The following POFUT1 variants were observed in gnomAD, a reference collection of about 807,000 sequenced individuals.
POFUT1 encodes the protein protein O-fucosyltransferase 1.
In POFUT1, 16 loss-of-function variants were observed where a neutral mutation model predicts 42.4. The ratio of observed to expected loss-of-function variants is 0.38; its 90% CI spans 0.26 to 0.57. The LOEUF (loss-of-function observed/expected upper bound fraction) is 0.57. POFUT1 is among the 20% of genes least tolerant of loss of function. POFUT1 has a pLI of 0.71. For synonymous variants in POFUT1, 206 were observed against 205.4 expected (o/e 1.00, Z -0.03); for missense variants, 470 against 504.6 (o/e 0.93, Z 0.66).
chr20:32,234,772 C>A lies in POFUT1; in HGVS notation c.*111C>A. ...CTCCGGGATTGCAAACTCCTCTTCT[C>A]ACCTGCCAAAGATGGAGAAGAGTGC... is the stretch of plus-strand genomic sequence containing the variant. On this transcript the variant is annotated 3_prime_UTR_variant, in exon 7 of 7. Coordinates refer to ENST00000375749, the MANE Select transcript of POFUT1 (RefSeq NM_015352.2). 2 of 932,708 alleles carry A rather than the reference C, an allele frequency of 2.1e-6. No individual in the cohort carries two copies. The highest frequency in any genetic ancestry group is 3.2e-6 in the Non-Finnish European group (2 of 628,212). 57.8% of individuals were successfully genotyped at this position (932,708 alleles called of 1,614,324 possible).
intron 2 of POFUT1, among the ~76,000 whole-genome samples, chr20:32,214,690 C>A: frequency 6.6e-6 from 1 of 152,194 alleles, no homozygotes; most frequent in East Asian, 1.9e-4. Flanking sequence ...TTGTTTACCC[C>A]TAACCTTTGC....
Position 32,210,058 on chromosome 20 carries a change from G to A in POFUT1, c.125-13G>A. ...CCCCAGGCCTCACCTCACCCGCAAT[G>A]TACCATTTCCAGGGCGCTTTGGGAA... is the stretch of plus-strand genomic sequence containing the variant. On this transcript the variant is annotated splice_polypyrimidine_tract_variant and intron_variant, in intron 1 of 6. Coordinates refer to ENST00000375749, the MANE Select transcript of POFUT1 (RefSeq NM_015352.2). 6.2e-7 allele frequency: 1 copy of A among 1,614,120 alleles called. No individual in the cohort carries two copies.
chr20:32,215,461 G>T lies in POFUT1; in HGVS notation c.429+10G>T. On this transcript the variant is annotated intron_variant, in intron 3 of 6. Coordinates refer to ENST00000375749, the MANE Select transcript of POFUT1 (RefSeq NM_015352.2). ...GACGTGCCCCATGAAGGTGGGTCCT[G>T]TGGGTTCGGGGGCCCTTTCTTCCTG... The T allele has an allele frequency of 6.3e-7, 1 of 1,598,664 alleles. No individual in the cohort carries two copies.
Sources: gnomAD v4.1 joint callset for allele counts (sites outside exome capture counted in the v4.1 genomes callset) on GRCh38, gnomAD v4.1.1 for gene constraint, MANE v1.5 for transcripts, NCBI Gene and HGNC (gene_info 2026-07-23, HGNC 2026-07-21) for gene names.